HNRNPC: variants seen among roughly 807,000 people sequenced by gnomAD.
HNRNPC encodes heterogeneous nuclear ribonucleoproteins C1/C2.
In HNRNPC, 3 loss-of-function variants were observed where a neutral mutation model predicts 33.2. The ratio of observed to expected loss-of-function variants is 0.09; its 90% CI spans 0.04 to 0.23. The LOEUF is 0.23. Ranked by LOEUF, HNRNPC falls within the 10% of genes least tolerant of loss-of-function variation. The pLI, the probability that HNRNPC is intolerant of heterozygous loss-of-function variation, is 1.00. For synonymous variants in HNRNPC, 121 were observed against 126.7 expected, an observed-to-expected ratio of 0.96 and a Z score of 0.30; for missense variants, 143 against 366.7, an observed-to-expected ratio of 0.39 and a Z score of 4.98.
Position 21,249,593 on chromosome 14 carries a change from C to CAAAAA in HNRNPC, c.-37+13713_-37+13717dup, listed in dbSNP as rs756880620. Among the ~76,000 whole-genome samples the CAAAAA allele has an allele frequency of 9.2e-3, 769 of 83,422 alleles. 6 individuals carry two copies. The highest frequency in any genetic ancestry group is 0.016 in the Middle Eastern group (2 of 126). The allele number at this position is 83,422 out of a possible 152,430, so 54.7% of individuals were successfully genotyped here. On this transcript the variant is annotated intron_variant, in intron 2 of 8. Coordinates refer to ENST00000553300, the MANE Select transcript of HNRNPC (RefSeq NM_004500.4). Reference sequence around the variant, plus strand: ...AAGAGCGAAAACTGTGTCTCAAAAACAAAAAAAAAAAAAAAAAAAAAAGAA... The same window carrying CAAAAA: ...AAGAGCGAAAACTGTGTCTCAAAAACAAAAAAAAAAAAAAAAAAAAAAAAAAAGAA...
At chr14:21,223,059 A>G (rs1167695559) in intron 5 of HNRNPC, among the ~76,000 whole-genome samples, 1 of 151,854 alleles carries the variant, frequency 6.6e-6, no homozygotes. Flanking sequence ...ACAAAAAAAG[A>G]GCCCGGCGTG....
intron 5 of HNRNPC, among the ~76,000 whole-genome samples, chr14:21,227,727 T>C (rs1469615729): frequency 1.3e-5 from 2 of 152,216 alleles, no homozygotes; most frequent in Non-Finnish European, 2.9e-5. Flanking sequence ...AATTTTCAAA[T>C]TTCCCCATTC....
chr14:21,247,870 C>T (rs1468623551), intron 2 of HNRNPC, among the ~76,000 whole-genome samples: 2 of 151,332 alleles, frequency 1.3e-5, no homozygotes, highest in Non-Finnish European at 2.9e-5. Flanking sequence ...GCCAGTAATG[C>T]CAGCTACTTG....
intron 2 of HNRNPC, among the ~76,000 whole-genome samples, chr14:21,239,758 C>A (rs1400102648): frequency 6.6e-6 from 1 of 151,908 alleles, no homozygotes; most frequent in Non-Finnish European, 1.5e-5. Flanking sequence ...CCTGTAATCC[C>A]AGCTACTTGG....
At chr14:21,216,120 C>CAAAAAAA (rs370660995) in intron 5 of HNRNPC, among the ~76,000 whole-genome samples, 3 of 87,846 alleles carry the variant, frequency 3.4e-5, no homozygotes, top group Non-Finnish European at 6.6e-5. Context: ...CCTCCACCAC[C>CAAAAAAA]AAAAAAAAAA....
Position 21,227,210 on chromosome 14 carries a change from A to T in HNRNPC, c.365+3109T>A, listed in dbSNP as rs189242734. ...ATCTGCCCCTCTCCCCACTAAACAA[A>T]CACTCCTCCTCCTTTCACCTTCATT... is the stretch of plus-strand genomic sequence containing the variant. On this transcript the variant is annotated intron_variant, in intron 5 of 8. Transcript: ENST00000553300. Among the ~76,000 whole-genome samples the T allele has an allele frequency of 7.7e-3, 1,170 of 152,040 alleles. 10 individuals are homozygous for T. Among genetic ancestry groups the T allele is most frequent in the Middle Eastern group, 0.017 (5 of 294 alleles).
intron 5 of HNRNPC, among the ~76,000 whole-genome samples, chr14:21,216,364 C>A (rs1056150705): frequency 6.6e-6 from 1 of 152,064 alleles, no homozygotes; most frequent in East Asian, 1.9e-4. Flanking sequence ...GTACATGGAC[C>A]ATTTAATGGA....
chr14:21,220,095 T>C (rs2139526912), intron 5 of HNRNPC, among the ~76,000 whole-genome samples: 1 of 152,316 alleles, frequency 6.6e-6, no homozygotes, highest in South Asian at 2.1e-4. Context: ...CTTGTTAAAA[T>C]ATGAGTAAGA....
chr14:21,215,438 T>G (rs1892052055), intron 5 of HNRNPC, among the ~76,000 whole-genome samples: 1 of 152,218 alleles, frequency 6.6e-6, no homozygotes, highest in Non-Finnish European at 1.5e-5. Flanking sequence ...AGCTGATTAC[T>G]TACTGATTAA....
At chr14:21,218,785 A>C (rs949481057) in intron 5 of HNRNPC, among the ~76,000 whole-genome samples, 4 of 149,628 alleles carry the variant, frequency 2.7e-5, no homozygotes, top group African/African-American at 9.8e-5. Flanking sequence ...AGATCGCTTG[A>C]GCCCAAGAGT....
intron 5 of HNRNPC, among the ~76,000 whole-genome samples, chr14:21,221,671 TC>T (rs1404337302): frequency 1.3e-5 from 2 of 152,204 alleles, no homozygotes; most frequent in African/African-American, 2.4e-5. Context: ...GAGTCTTGTT[TC>T]CAGAATATAT....
intron 1 of HNRNPC, chr14:21,268,777 G>C (rs1265601854): frequency 6.6e-6 from 1 of 152,150 alleles, no homozygotes; most frequent in Admixed American, 6.5e-5. Flanking sequence ...TGCTCATAGA[G>C]AGAAATAAAA....
intron 5 of HNRNPC, among the ~76,000 whole-genome samples, chr14:21,222,042 A>G (rs1446914906): frequency 3.9e-4 from 2 of 5,184 alleles, no homozygotes; most frequent in East Asian, 0.043. Context: ...CTCCGTCTCA[A>G]AAAAAAAAAA....
At position 21,234,059 on chromosome 14, in the gene HNRNPC, G is replaced by A; in HGVS notation, c.135C>T (p.Gly45=). Residue 45 remains glycine (G), a synonymous_variant, in exon 3 of 9, where the codon GGC becomes GGT. Coordinates refer to ENST00000553300, the MANE Select transcript of HNRNPC (RefSeq NM_004500.4). ...AGGCAAAGCCCTTATGAACAGAGCA[G>A]CCCACAATTTTGCCATACTTCGAAA... ...AIFSKYGKIV[G]CSVHKGFAFV... The A allele has an allele frequency of 3.7e-6, 6 of 1,613,874 alleles. No homozygotes were observed. The highest frequency in any genetic ancestry group is 1.1e-5 in the South Asian group (1 of 91,070).
At chr14:21,242,319 C>G (rs1895446550) in intron 2 of HNRNPC, among the ~76,000 whole-genome samples, 1 of 152,098 alleles carries the variant, frequency 6.6e-6, no homozygotes, top group South Asian at 2.1e-4. Flanking sequence ...CCCATCTCTA[C>G]AAAAAATACT....
chr14:21,234,595 C>T (rs1894471160), intron 2 of HNRNPC, among the ~76,000 whole-genome samples: 1 of 152,176 alleles, frequency 6.6e-6, no homozygotes, highest in Non-Finnish European at 1.5e-5. Context: ...ACACCAGTTT[C>T]TGCTGTTTTT....
At chr14:21,222,200 C>T (rs1208696670) in intron 5 of HNRNPC, among the ~76,000 whole-genome samples, 1 of 152,104 alleles carries the variant, frequency 6.6e-6, no homozygotes, top group East Asian at 1.9e-4. Context: ...AGTGGAGCAA[C>T]TGGAACCTTC....
chr14:21,223,521 G>A (rs1353575102), intron 5 of HNRNPC, among the ~76,000 whole-genome samples: 2 of 152,100 alleles, frequency 1.3e-5, no homozygotes, highest in Non-Finnish European at 2.9e-5. Context: ...GGCCAAGGTG[G>A]ACACATCACT....
At chr14:21,246,155 T>C (rs538043355) in intron 2 of HNRNPC, among the ~76,000 whole-genome samples, 72 of 152,232 alleles carry the variant, frequency 4.7e-4, no homozygotes, top group Non-Finnish European at 7.6e-4. Flanking sequence ...GGCCATAATA[T>C]ATGTGGTCTG....
Sources: gnomAD v4.1 joint callset for allele counts (sites outside exome capture counted in the v4.1 genomes callset) on GRCh38, gnomAD v4.1.1 for gene constraint, MANE v1.5 for transcripts, NCBI Gene and HGNC (gene_info 2026-07-23, HGNC 2026-07-21) for gene names.